Variants in KIF25 observed in about 807,000 individuals in gnomAD.
KIF25 encodes the protein kinesin family member 25.
KIF25 carries 19 observed loss-of-function variants against 32.9 expected under a neutral mutation model. That is an observed-to-expected ratio of 0.58 (90% CI 0.40 to 0.85). The LOEUF (loss-of-function observed/expected upper bound fraction) is 0.85. Ranked by LOEUF, KIF25 falls within the 40% of genes least tolerant of loss-of-function variation. The pLI, the probability that KIF25 is intolerant of heterozygous loss-of-function variation, is 0.00. For synonymous variants in KIF25, 225 were observed against 213.7 expected (o/e 1.05, Z -0.46); for missense variants, 485 against 507.0 (o/e 0.96, Z 0.42).
rs553699757 is a variant in KIF25 at position 168,035,261 on chromosome 6, A to G, written c.317+1230A>G. 1.2e-4 allele frequency among the ~76,000 whole-genome samples: 18 copies of G among 151,394 alleles called. No individual in the cohort carries two copies. In the South Asian group the frequency reaches 3.8e-3, roughly 32 times the overall value. ...TCGGCTTCGCAGTGTTCCCAGTGTG[A>G]GCTGCGTGCGTGCTTCCGAGGCCGT... On this transcript the variant is annotated intron_variant, in intron 8 of 12. Transcript: ENST00000643607.
At chr6:168,004,148 T>A (rs1798547584) in intron 4 of KIF25, among the ~76,000 whole-genome samples, 1 of 152,072 alleles carries the variant, frequency 6.6e-6, no homozygotes, top group African/African-American at 2.4e-5. Flanking sequence ...CCCAGGGGTG[T>A]CTGAGTACCA....
intron 9 of KIF25, among the ~76,000 whole-genome samples, chr6:168,039,853 A>C (rs566128745): frequency 1.3e-5 from 2 of 152,366 alleles, no homozygotes; most frequent in East Asian, 3.9e-4. Flanking sequence ...CCATTATTTC[A>C]GGGTCAGCAA....
At chr6:168,003,894 A>G (rs1367061111) in intron 4 of KIF25, among the ~76,000 whole-genome samples, 191 bp downstream of exon 4, 2 of 152,178 alleles carry the variant, frequency 1.3e-5, no homozygotes, top group Non-Finnish European at 2.9e-5. Context: ...CCGTAGTTCT[A>G]TGTGAGGAAG....
In KIF25 at chr6:167,998,548, GGA is replaced by G. The variant is rs1023400705; in HGVS notation, c.-919_-918del. ...GATGTGTTGCTCACTGGAAACCAGT[GGA>G]GTTTATGAGAATAAAAAGCTTCTAA... On this transcript the variant is annotated 5_prime_UTR_variant, in exon 1 of 13. The change abolishes the stop of an existing upstream ORF in the 5' untranslated region. Coordinates refer to ENST00000643607, the MANE Select transcript of KIF25 (RefSeq NM_030615.4). The G allele has an allele frequency of 2.6e-5, 4 of 152,166 alleles. No homozygotes were observed. The highest frequency in any genetic ancestry group is 4.4e-5 in the Non-Finnish European group (3 of 68,032). 9.4% of individuals were successfully genotyped at this position (152,166 alleles called of 1,614,324 possible).
chr6:168,025,725 C>G (rs1005223353), intron 5 of KIF25, among the ~76,000 whole-genome samples: 3 of 152,168 alleles, frequency 2.0e-5, no homozygotes, highest in African/African-American at 7.2e-5. Context: ...GGATTCAATG[C>G]GCACCTTCGG....
intron 5 of KIF25, among the ~76,000 whole-genome samples, chr6:168,018,629 C>G (rs779986652): frequency 1.8e-4 from 27 of 152,148 alleles, no homozygotes; most frequent in Non-Finnish European, 3.7e-4. Flanking sequence ...AGATGCCTTC[C>G]TCGGCACTGG....
chr6:168,032,309 T>C (rs958255577), intron 7 of KIF25, among the ~76,000 whole-genome samples: 4 of 152,218 alleles, frequency 2.6e-5, no homozygotes, highest in African/African-American at 9.6e-5. Context: ...CTCCGGGAAG[T>C]TTCCTTTTAA....
intron 4 of KIF25, among the ~76,000 whole-genome samples, chr6:168,008,477 G>A (rs972825831): frequency 1.3e-5 from 2 of 152,138 alleles, no homozygotes; most frequent in African/African-American, 2.4e-5. Flanking sequence ...GGTTACTATA[G>A]CTTTGTAATA....
chr6:168,044,374 A>G (rs796312068), intron 12 of KIF25, among the ~76,000 whole-genome samples: 5,864 of 51,886 alleles, frequency 0.11, 348 homozygotes, highest in East Asian at 0.24. Flanking sequence ...TCCCGGACCC[A>G]GGTGAGGGAC....
Position 168,044,867 on chromosome 6 carries a change from C to G in KIF25, c.1026C>G (p.Pro342=). ...AKLLVILCIS[P]SQRHLAQTLQ... is the part of the protein sequence containing the mutation. ...TACTGGTGATTCTCTGCATTTCTCC[C>G]AGCCAGAGGCACCTGGCACAGACGT... The change falls in exon 13 of 13, where the codon CCC becomes CCG. Residue 342 remains proline (P), a synonymous_variant. Coordinates refer to ENST00000643607, the MANE Select transcript of KIF25 (RefSeq NM_030615.4). 1 of 1,608,062 alleles carries G rather than the reference C, an allele frequency of 6.2e-7. No individual in the cohort carries two copies. Among genetic ancestry groups the G allele is most frequent in the African/African-American group, 1.3e-5 (1 of 74,850 alleles).
At position 167,998,551 on chromosome 6, in the gene KIF25, G is replaced by A. The variant is rs1327369896; in HGVS notation, c.-918G>A. 6.6e-6 allele frequency: 1 copy of A among 152,190 alleles called. No homozygotes were observed. The highest frequency in any genetic ancestry group is 2.4e-5 in the African/African-American group (1 of 41,436). The allele number at this position is 152,190 out of a possible 1,614,324, so 9.4% of individuals were successfully genotyped here. A position where few individuals can be genotyped will look rare whatever the true frequency, so the allele number is the denominator to read the frequency against. ...GTGTTGCTCACTGGAAACCAGTGGA[G>A]TTTATGAGAATAAAAAGCTTCTAAT... On this transcript the variant is annotated 5_prime_UTR_variant, in exon 1 of 13. Coordinates refer to ENST00000643607, the MANE Select transcript of KIF25 (RefSeq NM_030615.4).
At position 168,033,915 on chromosome 6, in the gene KIF25, G is replaced by T; in HGVS notation, c.201G>T (p.Thr67=). The T allele has an allele frequency of 6.2e-7, 1 of 1,614,124 alleles. No homozygotes were observed. Residue 67 remains threonine (T), a synonymous_variant, in exon 8 of 13, where the codon ACG becomes ACT. Coordinates refer to ENST00000643607, the MANE Select transcript of KIF25 (RefSeq NM_030615.4). ...YNVCVMAYGQ[T]GSGKSYTMLG... ...TTTGTGTTATGGCGTATGGACAGAC[G>T]GGCAGCGGAAAGAGCTATACCATGC... is the stretch of plus-strand genomic sequence containing the variant.
chr6:168,039,826 T>C (rs1444711740), intron 9 of KIF25, among the ~76,000 whole-genome samples: 2 of 152,208 alleles, frequency 1.3e-5, no homozygotes, highest in Non-Finnish European at 2.9e-5. Context: ...CAACCTCTGA[T>C]TTTGTTCTGA....
rs1168029835 is a variant in KIF25, at chr6:168,040,191, C to T, written c.621C>T (p.Thr207=). 6.2e-7 allele frequency: 1 copy of T among 1,613,694 alleles called. No homozygotes were observed. The change falls in exon 10 of 13, where the codon ACC becomes ACT. Residue 207 remains threonine, a synonymous_variant. Coordinates refer to ENST00000643607, the MANE Select transcript of KIF25 (RefSeq NM_030615.4). ...ACCTGATAATTACGGTGACTCTAAC[C>T]ACAGCCTCCTGCTCTGACAGCACTG... ...RSHLIITVTL[T]TASCSDSTAD...
At chr6:168,029,426 C>A in intron 5 of KIF25, 66 bp from the exon 6 acceptor site, 3 of 1,138,796 alleles carry the variant, frequency 2.6e-6, no homozygotes, top group Non-Finnish European at 3.7e-6. Flanking sequence ...TAAAGAATAA[C>A]TAACATTCAT....
At chr6:168,027,032 C>T (rs1329063017) in intron 5 of KIF25, among the ~76,000 whole-genome samples, 11 of 152,210 alleles carry the variant, frequency 7.2e-5, no homozygotes, top group South Asian at 4.2e-4. Context: ...CTGTAGGGAC[C>T]GTTCCCAGGA....
intron 12 of KIF25, 49 bp downstream of exon 12, chr6:168,042,765 G>A: frequency 6.4e-7 from 1 of 1,566,362 alleles, no homozygotes; most frequent in South Asian, 1.2e-5. Flanking sequence ...ACGTACCCCA[G>A]GACATGTGCA....
chr6:168,042,593 G>A lies in KIF25; in HGVS notation c.862G>A (p.Glu288Lys). 1 of 1,614,000 alleles carries A rather than the reference G, an allele frequency of 6.2e-7. No individual in the cohort carries two copies. The highest frequency in any genetic ancestry group is 1.7e-5 in the Admixed American group (1 of 60,008). Residue 288 changes from glutamate (E) to lysine (K), a missense_variant, in exon 12 of 13, where the codon GAG becomes AAG. Around this residue, in one of 2 missense-constraint regions of KIF25, gnomAD observed 480 missense variants for 470.3 expected, o/e 1.02. Coordinates refer to ENST00000643607, the MANE Select transcript of KIF25 (RefSeq NM_030615.4). ...TGGAGTGACCGGGTTGGCCCTGAGGGAGATGGCGTGCATCAGCCGCAGCCT... is the reference window on the plus strand; with the variant it reads ...TGGAGTGACCGGGTTGGCCCTGAGGAAGATGGCGTGCATCAGCCGCAGCCT... The part of the protein sequence containing the change: ...VSGVTGLALR[E>K]MACISRSLAA...
rs1380554911 is a variant in KIF25, at chr6:167,998,247, T to C, written c.-1222T>C. On this transcript the variant is annotated 5_prime_UTR_variant, in exon 1 of 13. Transcript: ENST00000643607. ...AAGTCCCACAAGGAAGAATTGGTTGTGGAAGTTTCTGAGTGTTCCACCTCA... is the reference window on the plus strand; with the variant it reads ...AAGTCCCACAAGGAAGAATTGGTTGCGGAAGTTTCTGAGTGTTCCACCTCA... 2 of 152,108 alleles carry C rather than the reference T, an allele frequency of 1.3e-5. No homozygotes were observed. The highest frequency in any genetic ancestry group is 3.9e-4 in the East Asian group (2 of 5,188). The allele number at this position is 152,108 out of a possible 1,614,324, so 9.4% of individuals were successfully genotyped here.
Sources: gnomAD v4.1 joint callset for allele counts (sites outside exome capture counted in the v4.1 genomes callset) on GRCh38, gnomAD v4.1.1 for gene constraint, gnomAD v4.1.1 regional missense constraint, MANE v1.5 for transcripts, NCBI Gene and HGNC (gene_info 2026-07-23, HGNC 2026-07-21) for gene names.